Variants in FBXO25 observed in about 807,000 individuals in gnomAD.
The protein encoded by FBXO25 is F-box only protein 25.
Under a neutral mutation model 51.9 loss-of-function variants are expected in FBXO25, and 45 were observed. That is an observed-to-expected ratio of 0.87 (90% CI 0.68 to 1.11). FBXO25 has a LOEUF of 1.11. FBXO25 is among the 50% of genes most tolerant of loss of function. The probability of loss-of-function intolerance (pLI) is 0.00; values close to 1 mark genes in which losing one functional copy is unlikely to be tolerated. For missense variants in FBXO25, 507 were observed against 428.5 expected, an observed-to-expected ratio of 1.18 and a Z score of -1.62; for synonymous variants, 199 against 151.0, an observed-to-expected ratio of 1.32 and a Z score of -2.33.
Position 451,258 on chromosome 8 carries a change from ATT to A in FBXO25, c.476-9_476-8del. On this transcript the variant is annotated splice_polypyrimidine_tract_variant and intron_variant, in intron 6 of 9. Coordinates refer to ENST00000350302, the MANE Select transcript of FBXO25 (RefSeq NM_183420.2). ...TGTATCAATCCATAGTTTTATTTTT[ATT>A]TATTCCAGTTCTTGATGACCACCAC... 4 of 1,582,358 alleles carry A rather than the reference ATT, an allele frequency of 2.5e-6. No homozygotes were observed. The Admixed American group carries it at 7.9e-5, about 31-fold the overall frequency.
chr8:419,674 T>G (rs1460583151), intron 2 of FBXO25, among the ~76,000 whole-genome samples: 1 of 152,178 alleles, frequency 6.6e-6, no homozygotes, highest in Non-Finnish European at 1.5e-5. Context: ...AAATGGATCA[T>G]ATACCTAAAT....
chr8:425,906 T>TTTC (rs1421825666), intron 2 of FBXO25, among the ~76,000 whole-genome samples: 2 of 151,894 alleles, frequency 1.3e-5, no homozygotes, highest in African/African-American at 4.8e-5. Flanking sequence ...TTTTTTTTTT[T>TTTC]TTCCACTTTT....
chr8:407,843 T>G (rs1289611285), intron 1 of FBXO25, among the ~76,000 whole-genome samples: 4 of 152,188 alleles, frequency 2.6e-5, no homozygotes, highest in Non-Finnish European at 5.9e-5. Context: ...TTTTGCATCC[T>G]TCCCCTCACA....
intron 5 of FBXO25, among the ~76,000 whole-genome samples, chr8:448,065 G>A (rs1237837651): frequency 2.0e-5 from 3 of 152,096 alleles, no homozygotes; most frequent in Non-Finnish European, 4.4e-5. Context: ...GAATGAAACC[G>A]TAATCATGAG....
intron 2 of FBXO25, among the ~76,000 whole-genome samples, chr8:419,892 T>C (rs1466777825): frequency 6.6e-6 from 1 of 152,072 alleles, no homozygotes; most frequent in African/African-American, 2.4e-5. Context: ...GTATCCAGAA[T>C]AATAAAGAAC....
intron 8 of FBXO25, among the ~76,000 whole-genome samples, chr8:461,861 C>T (rs559811793): frequency 6.6e-6 from 1 of 152,292 alleles, no homozygotes; most frequent in African/African-American, 2.4e-5. Context: ...TAATATCCCC[C>T]TCTATGTATA....
At chr8:455,559 G>T (rs1258295267) in intron 7 of FBXO25, among the ~76,000 whole-genome samples, 1 of 152,238 alleles carries the variant, frequency 6.6e-6, no homozygotes, top group Non-Finnish European at 1.5e-5. Flanking sequence ...GGGCAAGCCA[G>T]TCAACTCATC....
chr8:407,485 G>A lies in FBXO25; in HGVS notation c.-8+419G>A, dbSNP rs372536987. On this transcript the variant is annotated intron_variant, in intron 1 of 9. Coordinates refer to ENST00000350302, the MANE Select transcript of FBXO25 (RefSeq NM_183420.2). ...AGCTGCGGGCGAGTCGGGTGGGCAC[G>A]GGGGCCGCCCACAGGTGCACCGCGC... The A allele has an allele frequency of 7.0e-5, 67 of 963,346 alleles. No homozygotes were observed. The South Asian group carries it at 2.5e-3, about 36-fold the overall frequency. 59.7% of individuals were successfully genotyped at this position (963,346 alleles called of 1,614,324 possible).
chr8:458,925 C>T (rs75326799), intron 8 of FBXO25, among the ~76,000 whole-genome samples: 2 of 152,128 alleles, frequency 1.3e-5, no homozygotes. Flanking sequence ...GTCAGGTGCC[C>T]TCTGTGTGCC....
At chr8:408,173 G>C (rs1198285723) in intron 1 of FBXO25, among the ~76,000 whole-genome samples, 1 of 151,970 alleles carries the variant, frequency 6.6e-6, no homozygotes, top group Non-Finnish European at 1.5e-5. Flanking sequence ...GATCAAATTT[G>C]TCCACACTTA....
chr8:455,431 G>T (rs1188537843), intron 7 of FBXO25, among the ~76,000 whole-genome samples: 1 of 152,174 alleles, frequency 6.6e-6, no homozygotes, highest in Non-Finnish European at 1.5e-5. Context: ...AGAATTGAGG[G>T]AGACTTCAGT....
intron 7 of FBXO25, 147 bp from the exon 8 acceptor site, chr8:458,222 C>T (rs1799580712): frequency 3.6e-6 from 3 of 828,978 alleles, no homozygotes; most frequent in Non-Finnish European, 1.9e-6. Context: ...TGGATGCAGG[C>T]CCCTTGACAC....
At position 470,265 on chromosome 8, in the gene FBXO25, C is replaced by G. The variant is rs987151732; in HGVS notation, c.*1461C>G. 1 of 152,156 alleles carries G rather than the reference C, an allele frequency of 6.6e-6. No individual in the cohort carries two copies. The highest frequency in any genetic ancestry group is 1.5e-5 in the Non-Finnish European group (1 of 68,028). The allele number at this position is 152,156 out of a possible 1,614,324, so 9.4% of individuals were successfully genotyped here. On this transcript the variant is annotated 3_prime_UTR_variant, in exon 10 of 10. Transcript: ENST00000350302. Reference sequence around the variant, plus strand: ...CGTCACACAACAATGTGGCCGTCTCCTTACAACCACTGGTAGTACAGCCAA... The same window carrying G: ...CGTCACACAACAATGTGGCCGTCTCGTTACAACCACTGGTAGTACAGCCAA...
At position 475,930 on chromosome 8, in the gene FBXO25, A is replaced by G. The variant is rs1456555894; in HGVS notation, c.*7126A>G. On this transcript the variant is annotated 3_prime_UTR_variant, in exon 10 of 10. Transcript: ENST00000350302. The stretch of plus-strand genomic sequence containing the variant: ...CTAAGACTCCAGTACTGTGTTAAAC[A>G]GAAGTGGTGAGACAGGGTATTTCTG... 6.6e-6 allele frequency: 1 copy of G among 152,172 alleles called. No individual in the cohort carries two copies. The highest frequency in any genetic ancestry group is 1.5e-5 in the Non-Finnish European group (1 of 68,026). The allele number at this position is 152,172 out of a possible 1,614,324, so 9.4% of individuals were successfully genotyped here.
chr8:459,640 C>G (rs1044397772), intron 8 of FBXO25, among the ~76,000 whole-genome samples: 4 of 152,120 alleles, frequency 2.6e-5, no homozygotes, highest in South Asian at 2.1e-4. Context: ...AGAAGATGAC[C>G]CCGATGGGAT....
intron 7 of FBXO25, among the ~76,000 whole-genome samples, chr8:455,901 C>T (rs996943233): frequency 6.6e-6 from 1 of 152,240 alleles, no homozygotes; most frequent in Admixed American, 6.5e-5. Context: ...TTCTGCGACA[C>T]CCTCTTGTTA....
intron 2 of FBXO25, among the ~76,000 whole-genome samples, chr8:428,637 A>G (rs1270663528): frequency 1.3e-5 from 2 of 152,182 alleles, no homozygotes; most frequent in African/African-American, 4.8e-5. Context: ...ACCACCATCC[A>G]TCTCTAGAAC....
chr8:474,716 T>G lies in FBXO25; in HGVS notation c.*5912T>G. The G allele has an allele frequency of 2.2e-6, 1 of 456,314 alleles. No homozygotes were observed. Among genetic ancestry groups the G allele is most frequent in the South Asian group, 1.6e-5 (1 of 64,348 alleles). 28.3% of individuals were successfully genotyped at this position (456,314 alleles called of 1,614,324 possible). On this transcript the variant is annotated 3_prime_UTR_variant, in exon 10 of 10. Coordinates refer to ENST00000350302, the MANE Select transcript of FBXO25 (RefSeq NM_183420.2). ...GCTCTTTGTCCATTTTTCAATCAGG[T>G]GTGTGTTTTTATATGTTCTGGGTAT...
chr8:467,968 G>C lies in FBXO25; in HGVS notation c.988-747G>C, dbSNP rs878912257. ...TTTTGCAGAACAACACCTGAGTGCT[G>C]AGGGAGGCTGCTAGATGTGCGCATA... is the stretch of plus-strand genomic sequence containing the variant. On this transcript the variant is annotated intron_variant, in intron 9 of 9. Coordinates refer to ENST00000350302, the MANE Select transcript of FBXO25 (RefSeq NM_183420.2). 36 of 1,393,406 alleles carry C rather than the reference G, an allele frequency of 2.6e-5. No individual in the cohort carries two copies. The South Asian group carries it at 4.7e-4, about 18-fold the overall frequency. The allele number at this position is 1,393,406 out of a possible 1,614,324, so 86.3% of individuals were successfully genotyped here. A position where few individuals can be genotyped will look rare whatever the true frequency, so the allele number is the denominator to read the frequency against.
Sources: gnomAD v4.1 joint callset for allele counts (sites outside exome capture counted in the v4.1 genomes callset) on GRCh38, gnomAD v4.1.1 for gene constraint, MANE v1.5 for transcripts, NCBI Gene and HGNC (gene_info 2026-07-23, HGNC 2026-07-21) for gene names.